Variants in ATRNL1 observed in about 807,000 individuals in gnomAD.
ATRNL1 encodes the protein attractin-like protein 1.
A neutral mutation model predicts 182.7 loss-of-function variants in ATRNL1; 95 were observed. The ratio of observed to expected loss-of-function variants is 0.52; its 90% confidence interval spans 0.44 to 0.62. The LOEUF is 0.62. ATRNL1 is among the 20% of genes least tolerant of loss of function. The probability of loss-of-function intolerance (pLI) is 0.00; values close to 1 mark genes in which losing one functional copy is unlikely to be tolerated. For synonymous variants in ATRNL1, 576 were observed against 568.3 expected, an observed-to-expected ratio of 1.01 and a Z score of -0.19; for missense variants, 1,471 against 1,679.5, an observed-to-expected ratio of 0.88 and a Z score of 2.17.
At chr10:115,142,767 G>A (rs2143828231) in intron 5 of ATRNL1, among the ~76,000 whole-genome samples, 1 of 152,258 alleles carries the variant, frequency 6.6e-6, no homozygotes, top group South Asian at 2.1e-4. Context: ...AGCTATGGAG[G>A]TGGTGACAAT....
At chr10:115,536,632 C>T (rs1018817871) in intron 25 of ATRNL1, among the ~76,000 whole-genome samples, 28 of 152,204 alleles carry the variant, frequency 1.8e-4, no homozygotes, top group African/African-American at 6.0e-4. Context: ...CCTGCGCCCA[C>T]TGTCTGGCAC....
chr10:115,814,914 A>T (rs1950126441), intron 27 of ATRNL1, among the ~76,000 whole-genome samples: 2 of 152,174 alleles, frequency 1.3e-5, no homozygotes, highest in African/African-American at 4.8e-5. Flanking sequence ...ACACCACAGA[A>T]TTACTATGCT....
intron 22 of ATRNL1, 141 bp from the exon 23 acceptor site, chr10:115,467,033 G>A (rs963952051): frequency 1.6e-5 from 8 of 503,348 alleles, no homozygotes; most frequent in African/African-American, 1.2e-4. Context: ...TGTATAAATG[G>A]CATCTACATA....
intron 24 of ATRNL1, among the ~76,000 whole-genome samples, chr10:115,495,293 G>A (rs1849489015): frequency 6.6e-6 from 1 of 151,768 alleles, no homozygotes; most frequent in African/African-American, 2.4e-5. Context: ...TTAATTTTTT[G>A]TATGATTTTG....
rs782043738 is a variant in ATRNL1 at position 115,121,769 on chromosome 10, T to G, written c.448T>G (p.Tyr150Asp). The stretch of plus-strand genomic sequence containing the variant: ...ATGTAGCTGGGATCATATGTATGTT[T>G]ATGATGGAGATTCAATATATGCACC... Reference protein sequence around the residue: ...TECSWDHMYVYDGDSIYAPLI... With the variant: ...TECSWDHMYVDDGDSIYAPLI... Residue 150 changes from tyrosine (Y) to aspartate (D), a missense_variant, in exon 3 of 29, where the codon TAT becomes GAT. Physicochemically the swap from Tyr to Asp is radical, Grantham distance 160 (BLOSUM62 -3). Around this residue, in one of 3 missense-constraint regions of ATRNL1, gnomAD observed 1,031 missense variants for 1,156.0 expected, o/e 0.89. Coordinates refer to ENST00000355044, the MANE Select transcript of ATRNL1 (RefSeq NM_207303.4). The G allele has an allele frequency of 6.4e-7, 1 of 1,574,284 alleles. No homozygotes were observed. Among genetic ancestry groups the G allele is most frequent in the African/African-American group, 1.4e-5 (1 of 73,694 alleles).
intron 8 of ATRNL1, among the ~76,000 whole-genome samples, chr10:115,209,612 A>G (rs1266955404): frequency 6.6e-6 from 1 of 151,534 alleles, no homozygotes; most frequent in East Asian, 1.9e-4. Context: ...TTAATGACCT[A>G]CTTTTGAACC....
intron 27 of ATRNL1, among the ~76,000 whole-genome samples, chr10:115,774,565 C>G (rs1410167795): frequency 6.6e-6 from 1 of 151,908 alleles, no homozygotes; most frequent in Non-Finnish European, 1.5e-5. Context: ...AAAAACACTT[C>G]TGGGTAGAAG....
rs1554888955 is a variant in ATRNL1 at position 115,187,393 on chromosome 10, A to G, written c.1348+16101A>G. On this transcript the variant is annotated intron_variant, in intron 8 of 28. Coordinates refer to ENST00000355044, the MANE Select transcript of ATRNL1 (RefSeq NM_207303.4). Reference sequence around the variant, plus strand: ...ATATCCATGTTATGGGAGACAGAGAAAGGCTGAAAAATTGTTCCAGATTAA... The same window carrying G: ...ATATCCATGTTATGGGAGACAGAGAGAGGCTGAAAAATTGTTCCAGATTAA... Among the ~76,000 whole-genome samples, 2 of 152,106 alleles carry G rather than the reference A, an allele frequency of 1.3e-5. 1 individual carries two copies. The highest frequency in any genetic ancestry group is 1.3e-4 in the Admixed American group (2 of 15,244).
intron 19 of ATRNL1, among the ~76,000 whole-genome samples, chr10:115,345,247 G>A (rs1388235282): frequency 1.3e-5 from 2 of 152,198 alleles, no homozygotes; most frequent in South Asian, 2.1e-4. Flanking sequence ...TTAGCCCTTG[G>A]TGGTGAGGTC....
At chr10:115,792,195 C>T (rs1228514380) in intron 27 of ATRNL1, among the ~76,000 whole-genome samples, 4 of 152,124 alleles carry the variant, frequency 2.6e-5, no homozygotes, top group African/African-American at 9.6e-5. Flanking sequence ...GGACTGCTGC[C>T]TATTTGCAAG....
chr10:115,408,673 G>A (rs1330429429), intron 20 of ATRNL1, among the ~76,000 whole-genome samples: 3 of 151,876 alleles, frequency 2.0e-5, no homozygotes, highest in Non-Finnish European at 4.4e-5. Context: ...TTCCCCTGGC[G>A]TTTTTTTCTA....
In ATRNL1 at chr10:115,591,092, T is replaced by G. The variant is rs748684412; in HGVS notation, c.3795+41556T>G. ...CCACTGTACTAGCACGTACAAGATA[T>G]GCATGTATACGTGTATATATTAATA... On this transcript the variant is annotated intron_variant, in intron 26 of 28. Transcript: ENST00000355044. 8.5e-5 allele frequency among the ~76,000 whole-genome samples: 13 copies of G among 152,322 alleles called. No homozygotes were observed. The South Asian group carries it at 1.0e-3, about 12-fold the overall frequency.
rs192997888 is a variant in ATRNL1, at chr10:115,237,925, T to C, written c.1533-3646T>C. Among the ~76,000 whole-genome samples, 1,353 of 152,326 alleles carry C rather than the reference T, an allele frequency of 8.9e-3. 13 individuals are homozygous for C. Among genetic ancestry groups the C allele is most frequent in the Non-Finnish European group, 0.015 (997 of 68,008 alleles). ...TTTTGTAAAAGATGTAAGGTCTGTA[T>C]CTAGATGATTATTTCTGTTATTACT... On this transcript the variant is annotated intron_variant, in intron 9 of 28. Coordinates refer to ENST00000355044, the MANE Select transcript of ATRNL1 (RefSeq NM_207303.4).
chr10:115,749,256 G>T (rs1948379504), intron 27 of ATRNL1, among the ~76,000 whole-genome samples: 1 of 151,458 alleles, frequency 6.6e-6, no homozygotes, highest in African/African-American at 2.4e-5. Context: ...TACTTATTTT[G>T]TTTTATTTCT....
intron 25 of ATRNL1, among the ~76,000 whole-genome samples, chr10:115,524,993 TG>T (rs1851135422): frequency 6.6e-6 from 1 of 152,200 alleles, no homozygotes; most frequent in African/African-American, 2.4e-5. Context: ...ATCAAGTTTA[TG>T]GTGTAGGTAT....
chr10:115,235,322 C>T lies in ATRNL1; in HGVS notation c.1533-6249C>T, dbSNP rs139671059. Among the ~76,000 whole-genome samples the T allele has an allele frequency of 1.4e-3, 217 of 152,230 alleles. 5 individuals carry two copies. In the East Asian group the frequency reaches 0.038, roughly 27 times the overall value. On this transcript the variant is annotated intron_variant, in intron 9 of 28. Transcript: ENST00000355044. ...TTTTCAGTATATTCATAATATTGTG[C>T]AACTATTACCACTAGTTCCAGAATA...
chr10:115,261,089 AC>A (rs1297894418), intron 10 of ATRNL1, among the ~76,000 whole-genome samples: 78 of 152,120 alleles, frequency 5.1e-4, no homozygotes, highest in Admixed American at 4.6e-3. Context: ...GAACCTAAAA[AC>A]TTATATAGAG....
intron 24 of ATRNL1, among the ~76,000 whole-genome samples, chr10:115,475,368 A>G (rs182379918): frequency 6.6e-6 from 1 of 151,654 alleles, no homozygotes; most frequent in African/African-American, 2.4e-5. Flanking sequence ...TATGTAGCAA[A>G]ACACCTTTAT....
At chr10:115,838,511 T>A (rs1950731233) in intron 27 of ATRNL1, among the ~76,000 whole-genome samples, 1 of 152,164 alleles carries the variant, frequency 6.6e-6, no homozygotes, top group Admixed American at 6.5e-5. Flanking sequence ...GGCAGCTGCA[T>A]AAGTTTTAGG....
Sources: allele counts gnomAD v4.1 joint callset (sites outside exome capture counted in the v4.1 genomes callset), GRCh38; gene constraint gnomAD v4.1.1; regional missense constraint gnomAD v4.1.1; transcripts MANE v1.5; gene names NCBI Gene and HGNC (gene_info 2026-07-23, HGNC 2026-07-21).